ADAM23: variants seen among roughly 807,000 people sequenced by gnomAD.
ADAM23 encodes the protein ADAM metallopeptidase domain 23, also known as disintegrin and metalloproteinase domain-containing protein 23.
In ADAM23, 33 loss-of-function variants were observed where a neutral mutation model predicts 120.1. The ratio of observed to expected loss-of-function variants is 0.27; its 90% CI spans 0.21 to 0.37. ADAM23 has a LOEUF of 0.37. ADAM23 is among the 10% of genes least tolerant of loss of function. The pLI, the probability that ADAM23 is intolerant of heterozygous loss-of-function variation, is 1.00. For missense variants in ADAM23, 862 were observed against 1,058.2 expected (o/e 0.81, Z 2.57); for synonymous variants, 367 against 375.2 (o/e 0.98, Z 0.25).
chr2:206,550,702 C>T (rs1035075104), intron 9 of ADAM23, among the ~76,000 whole-genome samples: 10 of 151,132 alleles, frequency 6.6e-5, no homozygotes, highest in Non-Finnish European at 1.3e-4. Context: ...CCCGGGTTCA[C>T]GCTATTCTCC....
At chr2:206,543,819 T>C (rs1409278549) in intron 6 of ADAM23, among the ~76,000 whole-genome samples, 1 of 152,044 alleles carries the variant, frequency 6.6e-6, no homozygotes. Flanking sequence ...AATGAAATAA[T>C]GGCATTCACA....
chr2:206,535,191 G>T (rs77064014), intron 4 of ADAM23, among the ~76,000 whole-genome samples: 411 of 152,238 alleles, frequency 2.7e-3, no homozygotes, highest in South Asian at 0.01. Context: ...TATAATAAAT[G>T]AAGGTGACAT....
chr2:206,586,490 A>G (rs778496224), intron 18 of ADAM23, among the ~76,000 whole-genome samples: 1 of 152,170 alleles, frequency 6.6e-6, no homozygotes, highest in African/African-American at 2.4e-5. Flanking sequence ...GAAGATGACT[A>G]TGGCCTTTGG....
At chr2:206,584,359 C>T (rs1351818596) in intron 18 of ADAM23, among the ~76,000 whole-genome samples, 1 of 152,192 alleles carries the variant, frequency 6.6e-6, no homozygotes, top group African/African-American at 2.4e-5. Flanking sequence ...TCGTGCTTTC[C>T]AGAAAGCATC....
At position 206,542,011 on chromosome 2, in the gene ADAM23, A is replaced by G. The variant is rs1278554710; in HGVS notation, c.574-41A>G. The G allele has an allele frequency of 2.5e-6, 4 of 1,592,250 alleles. No homozygotes were observed. The East Asian group carries it at 8.9e-5, about 36-fold the overall frequency. On this transcript the variant is annotated intron_variant, in intron 4 of 25. Transcript: ENST00000264377. ...TGGAAGCACCCAAAGAATTAATCAT[A>G]ATGCATAAAATACAACCAATCAATG...
intron 3 of ADAM23, among the ~76,000 whole-genome samples, chr2:206,494,606 T>C (rs1696200449): frequency 6.6e-6 from 1 of 152,156 alleles, no homozygotes; most frequent in South Asian, 2.1e-4. Context: ...CAATAACTTT[T>C]TGAGCATCCA....
At chr2:206,605,745 A>G (rs950931014) in intron 24 of ADAM23, 2 of 702,062 alleles carry the variant, frequency 2.8e-6, no homozygotes, top group African/African-American at 1.7e-5. Flanking sequence ...TGAAATTAGT[A>G]TGTAATTTCC....
chr2:206,589,696 T>C (rs894681013), intron 21 of ADAM23, among the ~76,000 whole-genome samples, 182 bp downstream of exon 21: 5 of 152,214 alleles, frequency 3.3e-5, no homozygotes, highest in Non-Finnish European at 5.9e-5. Flanking sequence ...GATTAAACTG[T>C]TACTATGCTA....
At chr2:206,557,617 T>C in intron 10 of ADAM23, 119 bp downstream of exon 10, 1 of 926,436 alleles carries the variant, frequency 1.1e-6, no homozygotes, top group Non-Finnish European at 1.7e-6. Context: ...GAAGCTCATC[T>C]GGCTAAGGAA....
At chr2:206,595,490 T>TG (rs995662034) in intron 23 of ADAM23, among the ~76,000 whole-genome samples, 3 of 129,102 alleles carry the variant, frequency 2.3e-5, no homozygotes, top group Non-Finnish European at 3.3e-5. Flanking sequence ...GGGGGTGTGG[T>TG]GGGGGGGAAT....
chr2:206,448,500 AGTG>A (rs1695126948), intron 2 of ADAM23, among the ~76,000 whole-genome samples: 1 of 62,480 alleles, frequency 1.6e-5, no homozygotes, highest in South Asian at 5.8e-4. Context: ...CAGAGTGATG[AGTG>A]TCTTTCATAT....
intron 3 of ADAM23, among the ~76,000 whole-genome samples, chr2:206,519,218 A>T (rs1696796815): frequency 6.6e-6 from 1 of 152,206 alleles, no homozygotes; most frequent in Non-Finnish European, 1.5e-5. Flanking sequence ...GCACGCTCAT[A>T]AACAACACTG....
chr2:206,526,586 A>G (rs966190506), intron 3 of ADAM23, among the ~76,000 whole-genome samples: 12 of 152,160 alleles, frequency 7.9e-5, no homozygotes, highest in African/African-American at 2.9e-4. Context: ...ATAATCCTGC[A>G]GGGATTTTAG....
At chr2:206,460,013 C>T (rs1037655125) in intron 2 of ADAM23, among the ~76,000 whole-genome samples, 4 of 152,186 alleles carry the variant, frequency 2.6e-5, no homozygotes, top group African/African-American at 9.7e-5. Flanking sequence ...CTCTGTTTCA[C>T]ACATATCAGG....
intron 3 of ADAM23, among the ~76,000 whole-genome samples, chr2:206,490,134 A>G (rs1268162487): frequency 2.0e-5 from 3 of 152,332 alleles, no homozygotes; most frequent in East Asian, 1.9e-4. Context: ...GGACACAGAC[A>G]CTAGTGTGTT....
At chr2:206,571,499 A>G (rs999583576) in intron 16 of ADAM23, among the ~76,000 whole-genome samples, 3 of 152,160 alleles carry the variant, frequency 2.0e-5, no homozygotes, top group African/African-American at 7.2e-5. Context: ...GAAAAAAAAA[A>G]TAAAGCTTTC....
chr2:206,562,944 G>C (rs566020877), intron 13 of ADAM23, among the ~76,000 whole-genome samples: 85 of 152,332 alleles, frequency 5.6e-4, no homozygotes, highest in South Asian at 1.0e-3. Context: ...ATGAGAGGTA[G>C]ATAGGAAGAC....
chr2:206,545,907 A>C lies in ADAM23; in HGVS notation c.721-1522A>C, dbSNP rs140739256. Among the ~76,000 whole-genome samples the C allele has an allele frequency of 7.2e-5, 11 of 152,328 alleles. No individual in the cohort carries two copies. The East Asian group carries it at 2.1e-3, about 29-fold the overall frequency. ...ACAAAACACAGATTCCCAAATAATA[A>C]CTATTTAAGCCTTAGAGTTTTTTAA... On this transcript the variant is annotated intron_variant, in intron 6 of 25. Transcript: ENST00000264377.
chr2:206,466,985 A>G lies in ADAM23; in HGVS notation c.433-14247A>G, dbSNP rs533376533. Among the ~76,000 whole-genome samples, 4 of 147,362 alleles carry G rather than the reference A, an allele frequency of 2.7e-5. No individual in the cohort carries two copies. In the South Asian group the frequency reaches 6.7e-4, roughly 25 times the overall value. On this transcript the variant is annotated intron_variant, in intron 2 of 25. Coordinates refer to ENST00000264377, the MANE Select transcript of ADAM23 (RefSeq NM_003812.4). ...ACACACTCTTAAACAACCAGCTCTC[A>G]TGAGAACTCACTGTTGTAACAACAA...
Sources: gnomAD v4.1 joint callset for allele counts (sites outside exome capture counted in the v4.1 genomes callset) on GRCh38, gnomAD v4.1.1 for gene constraint, MANE v1.5 for transcripts, NCBI Gene and HGNC (gene_info 2026-07-23, HGNC 2026-07-21) for gene names.